The following PRELID2 variants were observed in gnomAD, a reference collection of about 807,000 sequenced individuals.
PRELID2 encodes the protein PRELI domain containing 2, also known as PRELI domain-containing protein 2.
A neutral mutation model predicts 28.4 loss-of-function variants in PRELID2; 25 were observed. The observed-to-expected ratio is 0.88, with a 90% CI of 0.64 to 1.23. The LOEUF (loss-of-function observed/expected upper bound fraction) is 1.23, where lower values mean the gene tolerates loss of function less well. PRELID2 is among the 50% of genes most tolerant of loss of function. The pLI, the probability that PRELID2 is intolerant of heterozygous loss-of-function variation, is 0.00. For missense variants in PRELID2, 201 were observed against 214.4 expected (o/e 0.94, Z 0.39); for synonymous variants, 76 against 71.6 (o/e 1.06, Z -0.31).
chr5:145,652,770 C>A (rs1382976814), intron 1 of PRELID2, among the ~76,000 whole-genome samples: 1 of 152,174 alleles, frequency 6.6e-6, no homozygotes, highest in African/African-American at 2.4e-5. Context: ...TGGAAAGGAA[C>A]AACCAGTACC....
At chr5:145,531,005 T>C (rs1179493460) in intron 1 of PRELID2, among the ~76,000 whole-genome samples, 2 of 152,196 alleles carry the variant, frequency 1.3e-5, no homozygotes, top group Non-Finnish European at 2.9e-5. Flanking sequence ...TTGGTTTTGT[T>C]TTTTAATTGG....
chr5:145,774,485 C>T (rs1758290254), intron 5 of PRELID2, among the ~76,000 whole-genome samples: 1 of 152,182 alleles, frequency 6.6e-6, no homozygotes, highest in African/African-American at 2.4e-5. Flanking sequence ...ACCATTACCT[C>T]CCATTCTTCC....
chr5:145,669,742 T>C (rs573870420), intron 1 of PRELID2, among the ~76,000 whole-genome samples: 3 of 152,254 alleles, frequency 2.0e-5, no homozygotes, highest in Non-Finnish European at 1.5e-5. Context: ...TCTGGCCACA[T>C]TGGCTTCTTT....
At position 145,608,988 on chromosome 5, in the gene PRELID2, C is replaced by T. The variant is rs116324489; in HGVS notation, n.71-135673G>A. 4.5e-3 allele frequency among the ~76,000 whole-genome samples: 686 copies of T among 152,152 alleles called. 1 individual carries two copies. The highest frequency in any genetic ancestry group is 0.027 in the Middle Eastern group (8 of 294). On this transcript the variant is annotated intron_variant and non_coding_transcript_variant, in intron 1 of 2. Coordinates refer to the PRELID2 transcript ENST00000510259. The stretch of plus-strand genomic sequence containing the variant: ...ATTTTTTCTCTTTATCTTTGTCTGA[C>T]GGAGTTATTTTGGAGAACTGATCTT...
At chr5:145,651,708 G>C (rs1313638267) in intron 1 of PRELID2, among the ~76,000 whole-genome samples, 1 of 152,144 alleles carries the variant, frequency 6.6e-6, no homozygotes, top group Non-Finnish European at 1.5e-5. Flanking sequence ...ACTGTTAAAA[G>C]GAAAACTAAC....
the PRELID2 span, among the ~76,000 whole-genome samples, chr5:145,322,194 TCTC>T: frequency 6.6e-6 from 1 of 152,160 alleles, no homozygotes; most frequent in Non-Finnish European, 1.5e-5. Flanking sequence ...CCATAATACA[TCTC>T]CTTACCCTTC....
intron 1 of PRELID2, among the ~76,000 whole-genome samples, chr5:145,544,901 A>G (rs967818144): frequency 1.6e-4 from 24 of 152,300 alleles, no homozygotes; most frequent in African/African-American, 5.3e-4. Flanking sequence ...CATTTAATGA[A>G]TGTGACAAAG....
At chr5:145,360,838 G>T in the PRELID2 span, among the ~76,000 whole-genome samples, 2 of 151,954 alleles carry the variant, frequency 1.3e-5, no homozygotes, top group Admixed American at 1.3e-4. Flanking sequence ...TTTGTTTCAT[G>T]TATCTTTTTG....
intron 1 of PRELID2, among the ~76,000 whole-genome samples, chr5:145,589,146 C>T (rs1383107132): frequency 6.6e-6 from 1 of 152,070 alleles, no homozygotes; most frequent in South Asian, 2.1e-4. Context: ...GTGTGCCTAA[C>T]CTTAATTTTC....
intron 1 of PRELID2, among the ~76,000 whole-genome samples, chr5:145,731,083 G>T (rs1007900009): frequency 6.6e-6 from 1 of 152,222 alleles, no homozygotes; most frequent in Non-Finnish European, 1.5e-5. Context: ...AAGAAAACCT[G>T]TCTTTAACTG....
the PRELID2 span, among the ~76,000 whole-genome samples, chr5:145,253,710 C>T: frequency 6.6e-6 from 1 of 151,958 alleles, no homozygotes; most frequent in East Asian, 1.9e-4. Flanking sequence ...GGCATATGTC[C>T]CAAACTAAGC....
intron 1 of PRELID2, among the ~76,000 whole-genome samples, chr5:145,476,866 C>T (rs13158305): frequency 2.7e-4 from 41 of 152,236 alleles, no homozygotes; most frequent in Middle Eastern, 3.4e-3. Flanking sequence ...CACAATATAA[C>T]ACATAAGGCA....
At chr5:145,633,028 T>A (rs1328651420) in intron 1 of PRELID2, among the ~76,000 whole-genome samples, 2 of 152,058 alleles carry the variant, frequency 1.3e-5, no homozygotes. Context: ...TTGAAAGCCA[T>A]CAAGAAAGCA....
intron 1 of PRELID2, among the ~76,000 whole-genome samples, chr5:145,489,305 A>G (rs1481923558): frequency 6.6e-6 from 1 of 152,248 alleles, no homozygotes; most frequent in Non-Finnish European, 1.5e-5. Context: ...TCAGCTTTCA[A>G]TAACAAATAA....
At chr5:145,765,567 G>A (rs1757696463) in intron 5 of PRELID2, among the ~76,000 whole-genome samples, 2 of 152,144 alleles carry the variant, frequency 1.3e-5, no homozygotes, top group Non-Finnish European at 2.9e-5. Flanking sequence ...TGACTGGTAT[G>A]TACAGCGGTA....
intron 1 of PRELID2, among the ~76,000 whole-genome samples, chr5:145,525,852 T>C (rs1752601669): frequency 6.6e-6 from 1 of 152,194 alleles, no homozygotes; most frequent in Admixed American, 6.5e-5. Context: ...AAAAACTGAC[T>C]TGAGGCCAAA....
At chr5:145,297,203 C>T in the PRELID2 span, among the ~76,000 whole-genome samples, 3 of 151,974 alleles carry the variant, frequency 2.0e-5, no homozygotes, top group African/African-American at 7.2e-5. Context: ...TTAATTAGAT[C>T]CCATTTGTCA....
At chr5:145,799,342 C>G (rs1187779630) in intron 4 of PRELID2, among the ~76,000 whole-genome samples, 1 of 152,056 alleles carries the variant, frequency 6.6e-6, no homozygotes, top group East Asian at 1.9e-4. Flanking sequence ...CAGCTCATCA[C>G]CACTACAGAT....
chr5:145,368,824 A>G, the PRELID2 span, among the ~76,000 whole-genome samples: 1 of 149,996 alleles, frequency 6.7e-6, no homozygotes, highest in African/African-American at 2.5e-5. Context: ...TTTAATTTTT[A>G]TTTTAAATTC....
Sources: allele counts gnomAD v4.1 joint callset (sites outside exome capture counted in the v4.1 genomes callset), GRCh38; gene constraint gnomAD v4.1.1; transcripts MANE v1.5; gene names NCBI Gene and HGNC (gene_info 2026-07-23, HGNC 2026-07-21).